PCDHA10: variants seen among roughly 807,000 people sequenced by gnomAD.
The protein encoded by PCDHA10 is protocadherin alpha-10.
PCDHA10 carries 45 observed loss-of-function variants against 61.2 expected under a neutral mutation model. The observed-to-expected ratio is 0.74, with a 90% CI of 0.58 to 0.94. PCDHA10 has a LOEUF of 0.94. Among genes scored for constraint, PCDHA10 ranks in the 40% least tolerant of loss-of-function variants. The pLI, the probability that PCDHA10 is intolerant of heterozygous loss-of-function variation, is 0.00. For synonymous variants in PCDHA10, 602 were observed against 548.8 expected, an observed-to-expected ratio of 1.10 and a Z score of -1.35; for missense variants, 1,278 against 1,236.2, an observed-to-expected ratio of 1.03 and a Z score of -0.51.
At chr5:140,869,020 T>C in intron 1 of PCDHA10, 8 of 1,525,458 alleles carry the variant, frequency 5.2e-6, no homozygotes, top group Non-Finnish European at 7.0e-6. Flanking sequence ...TTCTTAAGAA[T>C]TCAACGAGAT....
Position 140,857,462 on chromosome 5 carries a change from C to T in PCDHA10, c.1414C>T (p.His472Tyr), listed in dbSNP as rs782280236. Residue 472 changes from histidine to tyrosine, a missense_variant, in exon 1 of 4, where the codon CAC (histidine) becomes TAC (tyrosine). By Grantham distance (83) the His-to-Tyr change is moderately conservative. Transcript: ENST00000307360. ...FVKENNPPGC[H>Y]IFTVSAWDAD... ...GAAGGAGAACAACCCGCCAGGCTGC[C>T]ACATCTTCACGGTGTCTGCGTGGGA... is the stretch of plus-strand genomic sequence containing the variant. 1.3e-6 allele frequency: 2 copies of T among 1,598,496 alleles called. No individual in the cohort carries two copies.
chr5:140,875,783 T>C (rs782000038), intron 1 of PCDHA10: 4 of 1,614,050 alleles, frequency 2.5e-6, no homozygotes, highest in Non-Finnish European at 3.4e-6. Flanking sequence ...GAGTGCAGTA[T>C]CCACCTGGAG....
At chr5:140,970,565 T>C (rs1346006828) in intron 1 of PCDHA10, among the ~76,000 whole-genome samples, 2 of 152,182 alleles carry the variant, frequency 1.3e-5, no homozygotes, top group Non-Finnish European at 2.9e-5. Flanking sequence ...TCTCCATATG[T>C]ATGCTTGAAA....
At chr5:140,861,124 A>G (rs1426704260) in intron 1 of PCDHA10, 4 of 153,324 alleles carry the variant, frequency 2.6e-5, no homozygotes, top group African/African-American at 9.6e-5. Flanking sequence ...AACACCCATT[A>G]AGACCACTTG....
chr5:140,875,252 C>T, intron 1 of PCDHA10: 1 of 1,041,204 alleles, frequency 9.6e-7, no homozygotes, highest in East Asian at 2.7e-5. Context: ...TAATCAGTCA[C>T]ATGATGTCGC....
intron 1 of PCDHA10, among the ~76,000 whole-genome samples, chr5:140,965,199 T>C (rs1296377172): frequency 6.6e-6 from 1 of 152,234 alleles, no homozygotes. Context: ...AGGCAATAGA[T>C]TTCAAATTCC....
At chr5:140,975,206 T>G (rs2096657939) in intron 1 of PCDHA10, among the ~76,000 whole-genome samples, 1 of 152,232 alleles carries the variant, frequency 6.6e-6, no homozygotes, top group African/African-American at 2.4e-5. Context: ...TCTTCATGGC[T>G]GGCACTGGAG....
At chr5:140,967,870 G>T in intron 1 of PCDHA10, 1 of 1,614,152 alleles carries the variant, frequency 6.2e-7, no homozygotes, top group Non-Finnish European at 8.5e-7. Flanking sequence ...TGGTGCTCAC[G>T]GACCTGTATA....
At chr5:140,922,993 T>A (rs2081107625) in intron 1 of PCDHA10, among the ~76,000 whole-genome samples, 1 of 152,054 alleles carries the variant, frequency 6.6e-6, no homozygotes, top group Non-Finnish European at 1.5e-5. Context: ...AGGCAAGCCA[T>A]GAGAATGGTT....
Position 140,857,375 on chromosome 5 carries a change from G to A in PCDHA10, c.1327G>A (p.Glu443Lys), listed in dbSNP as rs1554149916. 2 of 1,598,360 alleles carry A rather than the reference G, an allele frequency of 1.3e-6. No individual in the cohort carries two copies. Among genetic ancestry groups the A allele is most frequent in the Non-Finnish European group, 1.7e-6 (2 of 1,167,834 alleles). ...PLWATASVSV[E>K]VADVNDNAPA... The stretch of plus-strand genomic sequence containing the variant: ...GTGGGCCACGGCCAGCGTGTCTGTG[G>A]AGGTGGCCGACGTGAACGACAACGC... The change falls in exon 1 of 4, where the codon GAG (glutamate) becomes AAG (lysine). Residue 443 changes from glutamate to lysine, a missense_variant. By Grantham distance (56) the Glu-to-Lys change is moderately conservative (BLOSUM62 1). Coordinates refer to ENST00000307360, the MANE Select transcript of PCDHA10 (RefSeq NM_018901.4).
intron 1 of PCDHA10, chr5:140,928,899 T>C (rs2085633672): frequency 2.5e-6 from 4 of 1,614,088 alleles, no homozygotes; most frequent in South Asian, 1.1e-5. Flanking sequence ...ACTTTGAAGA[T>C]GTCTGGGAAC....
chr5:140,884,445 C>G, intron 1 of PCDHA10: 1 of 1,613,802 alleles, frequency 6.2e-7, no homozygotes, highest in Non-Finnish European at 8.5e-7. Flanking sequence ...TGCTCGGCAC[C>G]GCCCACCGAG....
Position 141,010,042 on chromosome 5 carries a change from T to C in PCDHA10, c.*105T>C. 6.3e-7 allele frequency: 1 copy of C among 1,594,374 alleles called. No homozygotes were observed. The highest frequency in any genetic ancestry group is 8.5e-7 in the Non-Finnish European group (1 of 1,171,086). ...TTTTTCCTATCTACATGAGCCCTCT[T>C]AGAGACCTCAGAAATCTGCAGAAAG... On this transcript the variant is annotated 3_prime_UTR_variant, in exon 4 of 4. Transcript: ENST00000307360.
chr5:140,869,320 G>T, intron 1 of PCDHA10: 1 of 1,613,846 alleles, frequency 6.2e-7, no homozygotes, highest in Non-Finnish European at 8.5e-7. Context: ...AACACATGGG[G>T]ACCTTCTGGA....
intron 1 of PCDHA10, among the ~76,000 whole-genome samples, chr5:140,945,070 C>T (rs2093734077): frequency 6.6e-6 from 1 of 151,960 alleles, no homozygotes; most frequent in African/African-American, 2.4e-5. Context: ...ACAGACTCCA[C>T]CAAAACACTC....
chr5:140,929,646 A>G (rs868995130), intron 1 of PCDHA10: 1 of 365,824 alleles, frequency 2.7e-6, no homozygotes, highest in Non-Finnish European at 5.0e-6. Flanking sequence ...TGTGTAAGGC[A>G]CTCTAATATT....
At chr5:140,943,500 G>C (rs907493905) in intron 1 of PCDHA10, among the ~76,000 whole-genome samples, 1 of 152,048 alleles carries the variant, frequency 6.6e-6, no homozygotes, top group Admixed American at 6.6e-5. Context: ...TGCTATCAAG[G>C]TTCATGGAAA....
chr5:140,886,006 G>C (rs2060811194), intron 1 of PCDHA10, among the ~76,000 whole-genome samples: 2 of 152,088 alleles, frequency 1.3e-5, no homozygotes, highest in Non-Finnish European at 2.9e-5. Context: ...AAATAGTAAA[G>C]GGAGATGCTA....
chr5:140,926,890 A>ACCCTCCCT (rs782687521), intron 1 of PCDHA10: 1 of 1,543,756 alleles, frequency 6.5e-7, no homozygotes, highest in Non-Finnish European at 8.7e-7. Context: ...GCCTAGAGGG[A>ACCCTCCCT]GGATGGTGGG....
Sources: allele counts gnomAD v4.1 joint callset (sites outside exome capture counted in the v4.1 genomes callset), GRCh38; gene constraint gnomAD v4.1.1; transcripts MANE v1.5; gene names NCBI Gene and HGNC (gene_info 2026-07-23, HGNC 2026-07-21).